Variants in PACRG observed in about 807,000 individuals in gnomAD.
PACRG encodes parkin coregulated.
A neutral mutation model predicts 29.7 loss-of-function variants in PACRG; 29 were observed. The observed-to-expected ratio is 0.98, with a 90% CI of 0.73 to 1.33. PACRG has a LOEUF of 1.33. PACRG is among the 40% of genes most tolerant of loss of function. The probability of loss-of-function intolerance (pLI) is 0.00; values close to 1 mark genes in which losing one functional copy is unlikely to be tolerated. For missense variants in PACRG, 279 were observed against 316.2 expected (o/e 0.88, Z 0.89); for synonymous variants, 116 against 118.7 (o/e 0.98, Z 0.15).
At chr6:162,949,533 A>T (rs1799494448) in intron 2 of PACRG, among the ~76,000 whole-genome samples, 1 of 152,208 alleles carries the variant, frequency 6.6e-6, no homozygotes, top group South Asian at 2.1e-4. Context: ...CATAGAAATG[A>T]TGTATCTCTG....
At chr6:163,069,569 T>G (rs1811855057) in intron 3 of PACRG, among the ~76,000 whole-genome samples, 1 of 152,062 alleles carries the variant, frequency 6.6e-6, no homozygotes, top group Non-Finnish European at 1.5e-5. Flanking sequence ...AAGGAAGAAT[T>G]ACTGAGCTTG....
intron 2 of PACRG, among the ~76,000 whole-genome samples, chr6:162,975,379 T>C (rs1801863522): frequency 6.6e-6 from 1 of 152,180 alleles, no homozygotes; most frequent in Non-Finnish European, 1.5e-5. Context: ...TGTCTTAAAA[T>C]ACAAGATAGT....
At chr6:163,271,775 T>C (rs936890334) in intron 4 of PACRG, among the ~76,000 whole-genome samples, 2 of 152,236 alleles carry the variant, frequency 1.3e-5, no homozygotes, top group African/African-American at 2.4e-5. Flanking sequence ...TTTTCACATA[T>C]GAAATTTGAG....
intron 2 of PACRG, among the ~76,000 whole-genome samples, chr6:162,973,638 AC>A (rs1217759269): frequency 2.0e-5 from 3 of 151,956 alleles, no homozygotes; most frequent in African/African-American, 7.3e-5. Context: ...ACAATTTTCA[AC>A]CTTTTTTGAG....
At chr6:162,752,244 G>C (rs139543068) in intron 1 of PACRG, among the ~76,000 whole-genome samples, 707 of 152,204 alleles carry the variant, frequency 4.6e-3, no homozygotes, top group Non-Finnish European at 7.8e-3. Context: ...GCATTTTACT[G>C]TGTGAAAGCA....
chr6:163,289,609 T>A (rs2038091), intron 4 of PACRG, among the ~76,000 whole-genome samples: 1 of 152,068 alleles, frequency 6.6e-6, no homozygotes, highest in Non-Finnish European at 1.5e-5. Context: ...TAAATACCAG[T>A]CCCAGCCATC....
intron 2 of PACRG, among the ~76,000 whole-genome samples, chr6:162,974,876 C>G (rs1273545758): frequency 1.3e-5 from 2 of 152,110 alleles, no homozygotes; most frequent in African/African-American, 4.8e-5. Context: ...TCTCCAAATC[C>G]GTGGTCTGAG....
intron 2 of PACRG, among the ~76,000 whole-genome samples, chr6:162,981,593 T>C (rs940682031): frequency 1.3e-5 from 2 of 152,020 alleles, no homozygotes; most frequent in African/African-American, 2.4e-5. Flanking sequence ...GGTATTTTGA[T>C]GGGAATTTCA....
chr6:163,285,905 T>G (rs539534782), intron 4 of PACRG, among the ~76,000 whole-genome samples: 3 of 150,654 alleles, frequency 2.0e-5, no homozygotes, highest in African/African-American at 7.2e-5. Flanking sequence ...TCAGCTAGGC[T>G]GCTGGAAGGG....
At chr6:163,312,711 G>C in intron 4 of PACRG, 1 of 382,072 alleles carries the variant, frequency 2.6e-6, no homozygotes, top group Non-Finnish European at 5.1e-6. Context: ...GGACCCTTTT[G>C]TTTCAAAATC....
intron 4 of PACRG, among the ~76,000 whole-genome samples, chr6:163,152,856 T>C (rs1189476852): frequency 6.6e-6 from 1 of 152,124 alleles, no homozygotes; most frequent in Non-Finnish European, 1.5e-5. Context: ...ATCACAAACT[T>C]TTTCTCTAAC....
intron 2 of PACRG, among the ~76,000 whole-genome samples, chr6:162,864,339 A>G (rs566184047): frequency 1.3e-5 from 2 of 152,306 alleles, no homozygotes; most frequent in East Asian, 3.9e-4. Flanking sequence ...GTAGAGTTGG[A>G]AAAATAACTC....
chr6:163,135,033 A>G (rs1395098638), intron 4 of PACRG, among the ~76,000 whole-genome samples: 1 of 152,174 alleles, frequency 6.6e-6, no homozygotes, highest in African/African-American at 2.4e-5. Flanking sequence ...CTCTCAGTAT[A>G]TATATCTGTA....
In PACRG at chr6:162,764,431, A is replaced by G. The variant is rs551919184; in HGVS notation, c.156+36040A>G. Reference sequence around the variant, plus strand: ...TTATAACTGAATCAACACAAATTTAAATGATTTATAATGGGCTAATTTATT... The same window carrying G: ...TTATAACTGAATCAACACAAATTTAGATGATTTATAATGGGCTAATTTATT... On this transcript the variant is annotated intron_variant, in intron 1 of 4. Transcript: ENST00000366888. 2.4e-4 allele frequency among the ~76,000 whole-genome samples: 36 copies of G among 152,322 alleles called. 1 individual carries two copies. In the South Asian group the frequency reaches 4.8e-3, roughly 20 times the overall value.
chr6:162,786,618 A>G (rs1784485737), intron 1 of PACRG, among the ~76,000 whole-genome samples: 1 of 152,164 alleles, frequency 6.6e-6, no homozygotes, highest in Non-Finnish European at 1.5e-5. Context: ...GCCCAAGTAG[A>G]AGGCAGAAAG....
intron 2 of PACRG, among the ~76,000 whole-genome samples, chr6:163,043,343 G>A (rs990493241): frequency 3.3e-5 from 5 of 152,168 alleles, no homozygotes; most frequent in African/African-American, 9.7e-5. Flanking sequence ...TCATTTTGAG[G>A]TCAGGAGTTT....
intron 3 of PACRG, among the ~76,000 whole-genome samples, chr6:163,088,077 T>C (rs1359125439): frequency 6.6e-6 from 1 of 152,196 alleles, no homozygotes; most frequent in Non-Finnish European, 1.5e-5. Flanking sequence ...GGAGGAAATT[T>C]AGTCTTTGGA....
intron 4 of PACRG, among the ~76,000 whole-genome samples, chr6:163,204,544 C>T (rs990063937): frequency 2.0e-5 from 3 of 152,206 alleles, no homozygotes; most frequent in South Asian, 2.1e-4. Context: ...CCTGGAAACC[C>T]GGGGCTGTAA....
chr6:162,997,489 A>G (rs1255269761), intron 2 of PACRG: 2 of 447,672 alleles, frequency 4.5e-6, no homozygotes, highest in Admixed American at 2.5e-5. Flanking sequence ...GCAGCGAATC[A>G]TGTCTTCCAA....
Sources: allele counts gnomAD v4.1 joint callset (sites outside exome capture counted in the v4.1 genomes callset), GRCh38; gene constraint gnomAD v4.1.1; transcripts MANE v1.5; gene names NCBI Gene and HGNC (gene_info 2026-07-23, HGNC 2026-07-21).